Variants in OXR1 observed in about 807,000 individuals in gnomAD.
The protein encoded by OXR1 is oxidation resistance protein 1.
In OXR1, 41 loss-of-function variants were observed where a neutral mutation model predicts 104.6. The ratio of observed to expected loss-of-function variants is 0.39; its 90% CI spans 0.31 to 0.51. The LOEUF is 0.51. Ranked by LOEUF, OXR1 falls within the 20% of genes least tolerant of loss-of-function variation. The probability of loss-of-function intolerance (pLI) is 0.77; values close to 1 mark genes in which losing one functional copy is unlikely to be tolerated. For synonymous variants in OXR1, 348 were observed against 348.4 expected, an observed-to-expected ratio of 1.00 and a Z score of 0.01; for missense variants, 955 against 1,031.9, an observed-to-expected ratio of 0.93 and a Z score of 1.02.
chr8:106,664,983 C>T (rs1826130334), intron 3 of OXR1, among the ~76,000 whole-genome samples: 1 of 152,130 alleles, frequency 6.6e-6, no homozygotes, highest in Non-Finnish European at 1.5e-5. Context: ...GTCACAAAAA[C>T]ATTAGCAAAC....
chr8:106,633,343 G>A (rs10505094), intron 3 of OXR1, among the ~76,000 whole-genome samples: 25,328 of 152,076 alleles, frequency 0.17, 2,268 homozygotes, highest in East Asian at 0.38. Flanking sequence ...CTACTCTGCT[G>A]TTATTATATG....
intron 11 of OXR1, among the ~76,000 whole-genome samples, chr8:106,734,524 G>C (rs1834202489): frequency 6.6e-6 from 1 of 152,164 alleles, no homozygotes; most frequent in African/African-American, 2.4e-5. Flanking sequence ...GCAAGACATT[G>C]AAGAAAGGGA....
chr8:106,481,758 C>G (rs751364663), intron 2 of OXR1, among the ~76,000 whole-genome samples: 8 of 151,990 alleles, frequency 5.3e-5, no homozygotes, highest in Non-Finnish European at 1.2e-4. Context: ...ACTTGATGGA[C>G]TCATAGTTTG....
chr8:106,435,699 A>G (rs1000842264), intron 2 of OXR1, among the ~76,000 whole-genome samples: 1 of 152,146 alleles, frequency 6.6e-6, no homozygotes, highest in Non-Finnish European at 1.5e-5. Flanking sequence ...CTATTTCACT[A>G]TAGTTTTCCT....
chr8:106,351,874 T>A (rs571163282), intron 1 of OXR1, among the ~76,000 whole-genome samples: 2 of 152,350 alleles, frequency 1.3e-5, no homozygotes, highest in African/African-American at 4.8e-5. Context: ...AGCTTATTAC[T>A]ACATCTAATA....
chr8:106,597,161 A>G (rs1289645888), intron 3 of OXR1, among the ~76,000 whole-genome samples: 1 of 152,198 alleles, frequency 6.6e-6, no homozygotes, highest in Non-Finnish European at 1.5e-5. Context: ...ATGTCTCCCC[A>G]AAATTCATAT....
chr8:106,667,006 C>T (rs1488869659), intron 3 of OXR1, among the ~76,000 whole-genome samples: 1 of 152,138 alleles, frequency 6.6e-6, no homozygotes, highest in African/African-American at 2.4e-5. Flanking sequence ...TCACTAGAGA[C>T]ATTTCAAGTA....
intron 1 of OXR1, among the ~76,000 whole-genome samples, chr8:106,352,413 C>A (rs961708642): frequency 3.3e-5 from 5 of 152,138 alleles, no homozygotes; most frequent in Non-Finnish European, 1.5e-5. Flanking sequence ...TGAAAGGGAG[C>A]TTACCAGTGT....
At chr8:106,335,561 C>G (rs1814926540) in intron 1 of OXR1, among the ~76,000 whole-genome samples, 1 of 151,888 alleles carries the variant, frequency 6.6e-6, no homozygotes, top group Admixed American at 6.6e-5. Flanking sequence ...TTCTTTTATC[C>G]CTCTTTCAGC....
At chr8:106,425,083 GTTTTTTT>G (rs748444311) in intron 2 of OXR1, among the ~76,000 whole-genome samples, 1 of 83,660 alleles carries the variant, frequency 1.2e-5, no homozygotes, top group Non-Finnish European at 2.2e-5. Context: ...GTTTGGTTTG[GTTTTTTT>G]TTTTTTTTTT....
chr8:106,278,187 A>G (rs1812135915), intron 1 of OXR1, among the ~76,000 whole-genome samples: 1 of 152,200 alleles, frequency 6.6e-6, no homozygotes, highest in East Asian at 1.9e-4. Flanking sequence ...AATCTACATC[A>G]TTAGACTGGC....
intron 3 of OXR1, among the ~76,000 whole-genome samples, chr8:106,532,584 G>T (rs1814176797): frequency 6.6e-6 from 1 of 152,146 alleles, no homozygotes; most frequent in South Asian, 2.1e-4. Context: ...ATAAAGAGGA[G>T]TAACAAGAAC....
chr8:106,343,751 G>A (rs1019436369), intron 1 of OXR1, among the ~76,000 whole-genome samples: 50 of 152,194 alleles, frequency 3.3e-4, no homozygotes, highest in South Asian at 8.3e-4. Flanking sequence ...GTAGGAAAGC[G>A]ACTACTTATA....
chr8:106,733,920 T>A (rs1834137976), intron 11 of OXR1, among the ~76,000 whole-genome samples: 1 of 151,058 alleles, frequency 6.6e-6, no homozygotes. Context: ...CCAGTATTGA[T>A]GAAAGACAGG....
chr8:106,539,965 T>C (rs1814826636), intron 3 of OXR1, among the ~76,000 whole-genome samples: 1 of 152,206 alleles, frequency 6.6e-6, no homozygotes, highest in African/African-American at 2.4e-5. Flanking sequence ...AATATTTATA[T>C]AATTGATTCA....
At chr8:106,322,615 T>A (rs1814274072) in intron 1 of OXR1, among the ~76,000 whole-genome samples, 1 of 152,194 alleles carries the variant, frequency 6.6e-6, no homozygotes, top group Non-Finnish European at 1.5e-5. Context: ...GCAGACGACA[T>A]GATTCTATAT....
At chr8:106,408,717 C>T (rs1001512917) in intron 2 of OXR1, among the ~76,000 whole-genome samples, 6 of 152,214 alleles carry the variant, frequency 3.9e-5, no homozygotes, top group Non-Finnish European at 4.4e-5. Context: ...TCGTGACTGC[C>T]GGATCTGTCC....
chr8:106,545,961 A>C (rs562605123), intron 3 of OXR1, among the ~76,000 whole-genome samples: 1 of 150,740 alleles, frequency 6.6e-6, no homozygotes, highest in Non-Finnish European at 1.5e-5. Context: ...GCACCACTGT[A>C]CTCCAGCCTT....
intron 1 of OXR1, among the ~76,000 whole-genome samples, chr8:106,347,578 A>T (rs1815552277): frequency 6.6e-6 from 1 of 152,224 alleles, no homozygotes; most frequent in South Asian, 2.1e-4. Context: ...AAACTCTACT[A>T]GGTTGTACAG....
Sources: gnomAD v4.1 joint callset for allele counts (sites outside exome capture counted in the v4.1 genomes callset) on GRCh38, gnomAD v4.1.1 for gene constraint, MANE v1.5 for transcripts, NCBI Gene and HGNC (gene_info 2026-07-23, HGNC 2026-07-21) for gene names.